DCAF8: variants seen among roughly 807,000 people sequenced by gnomAD.
DCAF8 encodes the protein DDB1- and CUL4-associated factor 8.
In DCAF8, 20 loss-of-function variants were observed where a neutral mutation model predicts 68.0. The ratio of observed to expected loss-of-function variants is 0.29; its 90% CI spans 0.21 to 0.43. The LOEUF (loss-of-function observed/expected upper bound fraction) is 0.43. DCAF8 is among the 20% of genes least tolerant of loss of function. The pLI is 1.00. For missense variants in DCAF8, 460 were observed against 771.0 expected (o/e 0.60, Z 4.78); for synonymous variants, 230 against 276.9 (o/e 0.83, Z 1.68).
intron 6 of DCAF8, among the ~76,000 whole-genome samples, chr1:160,235,924 A>G (rs767554809): frequency 1.3e-5 from 2 of 152,096 alleles, no homozygotes; most frequent in Non-Finnish European, 1.5e-5. Flanking sequence ...TTTTTAGTAG[A>G]GGTGAGGTTT....
intron 2 of DCAF8, among the ~76,000 whole-genome samples, chr1:160,248,616 T>A (rs887647980): frequency 3.3e-5 from 5 of 151,842 alleles, no homozygotes; most frequent in Admixed American, 1.3e-4. Flanking sequence ...GTGCCTGTAA[T>A]CCCAGCTACT....
intron 2 of DCAF8, among the ~76,000 whole-genome samples, chr1:160,251,669 T>C (rs1656602450): frequency 6.6e-6 from 1 of 151,792 alleles, no homozygotes. Context: ...GTGGGGAACA[T>C]GTTGCCCAGG....
intron 2 of DCAF8, among the ~76,000 whole-genome samples, chr1:160,248,461 C>T (rs988325341): frequency 1.6e-4 from 25 of 151,918 alleles, no homozygotes; most frequent in South Asian, 8.3e-4. Context: ...TGGGGCTGGG[C>T]GTGGAGGCTC....
Position 160,222,790 on chromosome 1 carries a change from A to G in DCAF8, c.1310-9T>C, listed in dbSNP as rs553627512. The G allele has an allele frequency of 1.2e-6, 2 of 1,614,196 alleles. No individual in the cohort carries two copies. Among genetic ancestry groups the G allele is most frequent in the Admixed American group, 1.7e-5 (1 of 60,030 alleles). On this transcript the variant is annotated splice_polypyrimidine_tract_variant and intron_variant, in intron 10 of 13. Transcript: ENST00000368074. ...GAAATTGACGCCTTTTACTGAAATG[A>G]TAAATGAGGGAAGAAACCACATGAG...
In DCAF8 at chr1:160,216,932, G is replaced by A. The variant is rs912953032; in HGVS notation, c.*660C>T. The A allele has an allele frequency of 6.6e-6, 1 of 152,510 alleles. No individual in the cohort carries two copies. Among genetic ancestry groups the A allele is most frequent in the Non-Finnish European group, 1.5e-5 (1 of 68,036 alleles). The allele number at this position is 152,510 out of a possible 1,614,324, so 9.4% of individuals were successfully genotyped here. A position where few individuals can be genotyped will look rare whatever the true frequency, so the allele number is the denominator to read the frequency against. On this transcript the variant is annotated 3_prime_UTR_variant, in exon 14 of 14. Transcript: ENST00000368074. ...GCCTCCCTCACCTGACCTATTTAGG[G>A]GGTGATGGGATGAAGAGAAGAGAGT...
At chr1:160,237,300 A>G (rs1009247924) in intron 5 of DCAF8, 71 bp from the exon 6 acceptor site, 473 of 1,089,192 alleles carry the variant, frequency 4.3e-4, no homozygotes, top group Non-Finnish European at 5.8e-4. Context: ...TCATTCCTAT[A>G]ACTTTGGGAA....
intron 2 of DCAF8, among the ~76,000 whole-genome samples, chr1:160,256,019 T>G (rs1370261776): frequency 6.9e-6 from 1 of 145,500 alleles, no homozygotes. Context: ...AAACTTTTTT[T>G]TTTTTTTTTT....
rs1655675403 is a variant in DCAF8, at chr1:160,231,302, A to G, written c.1065T>C (p.Phe355=). The G allele has an allele frequency of 6.2e-7, 1 of 1,612,702 alleles. No homozygotes were observed. The highest frequency in any genetic ancestry group is 8.5e-7 in the Non-Finnish European group (1 of 1,178,824). Reference sequence around the variant, plus strand: ...CAAAAGAGCCACAAACTCACCTTACAAACTGATCTCGTCCACCCACTGCAA... The same window carrying G: ...CAAAAGAGCCACAAACTCACCTTACGAACTGATCTCGTCCACCCACTGCAA... The part of the protein sequence containing the change: ...HQFAVGGRDQ[F]VRIYDQRKID... Residue 355 remains phenylalanine, a synonymous_variant, in exon 7 of 14, where the codon TTT becomes TTC. Coordinates refer to ENST00000368074, the MANE Select transcript of DCAF8 (RefSeq NM_015726.4).
At chr1:160,232,162 A>G (rs1273043712) in intron 6 of DCAF8, among the ~76,000 whole-genome samples, 1 of 151,828 alleles carries the variant, frequency 6.6e-6, no homozygotes. Flanking sequence ...GTGAGCAGAG[A>G]TCATGCCACG....
intron 3 of DCAF8, among the ~76,000 whole-genome samples, chr1:160,240,642 G>A (rs1412335322): frequency 6.6e-6 from 1 of 152,192 alleles, no homozygotes; most frequent in Non-Finnish European, 1.5e-5. Flanking sequence ...AAGTTCTCAA[G>A]AGGCAAAACA....
rs550461810 is a variant in DCAF8, at chr1:160,244,269, T to C, written c.-26-235A>G. 2.0e-5 allele frequency among the ~76,000 whole-genome samples: 3 copies of C among 152,338 alleles called. No individual in the cohort carries two copies. The South Asian group carries it at 6.2e-4, about 32-fold the overall frequency. The stretch of plus-strand genomic sequence containing the variant: ...TTGGGGAGGTCAAGTGCCATCTCTT[T>C]ACTTCACTCACTGAGTAACTGGCAG... On this transcript the variant is annotated intron_variant, in intron 2 of 13. Coordinates refer to ENST00000368074, the MANE Select transcript of DCAF8 (RefSeq NM_015726.4).
At chr1:160,250,975 C>T (rs902597207) in intron 2 of DCAF8, among the ~76,000 whole-genome samples, 2 of 152,058 alleles carry the variant, frequency 1.3e-5, no homozygotes, top group Non-Finnish European at 2.9e-5. Flanking sequence ...TTATTATTGT[C>T]CTTGATCCCT....
chr1:160,225,040 G>A (rs1322530943), intron 9 of DCAF8, 22 bp downstream of exon 9: 4 of 1,613,574 alleles, frequency 2.5e-6, no homozygotes, highest in African/African-American at 1.3e-5. Flanking sequence ...GCCAGCCTAG[G>A]AGCTGGGCCC....
At chr1:160,244,720 C>T (rs955422059) in intron 2 of DCAF8, among the ~76,000 whole-genome samples, 1 of 151,968 alleles carries the variant, frequency 6.6e-6, no homozygotes, top group Non-Finnish European at 1.5e-5. Flanking sequence ...CGGGTTCACA[C>T]CATTCTCCTG....
Position 160,237,108 on chromosome 1 carries a change from C to G in DCAF8, c.959+27G>C, listed in dbSNP as rs763081090. On this transcript the variant is annotated intron_variant, in intron 6 of 13. Coordinates refer to ENST00000368074, the MANE Select transcript of DCAF8 (RefSeq NM_015726.4). ...ATGTTCAAGGCTAAGAGATACAGTT[C>G]TGTAATGATATTACTGCTACACTTA... The G allele has an allele frequency of 4.0e-6, 6 of 1,481,998 alleles. No homozygotes were observed. In the Admixed American group the frequency reaches 8.1e-5, roughly 20 times the overall value. The allele number at this position is 1,481,998 out of a possible 1,614,324, so 91.8% of individuals were successfully genotyped here.
chr1:160,222,397 A>T (rs1201742263), intron 11 of DCAF8, among the ~76,000 whole-genome samples: 1 of 152,170 alleles, frequency 6.6e-6, no homozygotes, highest in African/African-American at 2.4e-5. Context: ...ATCACTCAGG[A>T]CAGGACAGAG....
intron 5 of DCAF8, among the ~76,000 whole-genome samples, chr1:160,238,009 G>T (rs962804680): frequency 1.3e-5 from 2 of 152,182 alleles, no homozygotes; most frequent in Admixed American, 6.5e-5. Context: ...ATCCTGGGCC[G>T]CCTTGGCTAG....
At chr1:160,239,206 T>C (rs1211983254) in intron 4 of DCAF8, 14 of 1,084,368 alleles carry the variant, frequency 1.3e-5, no homozygotes, top group Non-Finnish European at 1.6e-5. Flanking sequence ...CTTTCCAGAA[T>C]AACAACAGTA....
intron 2 of DCAF8, among the ~76,000 whole-genome samples, chr1:160,248,442 G>A (rs574938261): frequency 6.6e-6 from 1 of 151,888 alleles, no homozygotes; most frequent in Non-Finnish European, 1.5e-5. Context: ...TAAAACTGTC[G>A]CAACAGGCTG....
Sources: gnomAD v4.1 joint callset for allele counts (sites outside exome capture counted in the v4.1 genomes callset) on GRCh38, gnomAD v4.1.1 for gene constraint, MANE v1.5 for transcripts, NCBI Gene and HGNC (gene_info 2026-07-23, HGNC 2026-07-21) for gene names.